The following UGT1A6 variants were observed in gnomAD, a reference collection of about 807,000 sequenced individuals.
UGT1A6 encodes the protein UDP glucuronosyltransferase family 1 member A6, also known as UDP-glucuronosyltransferase 1A6.
UGT1A6 carries 32 observed loss-of-function variants against 44.4 expected under a neutral mutation model. The observed-to-expected ratio is 0.72, with a 90% CI of 0.54 to 0.97. The LOEUF is 0.97. Ranked by LOEUF, UGT1A6 falls within the 50% of genes least tolerant of loss-of-function variation. The pLI is 0.00. For synonymous variants in UGT1A6, 238 were observed against 248.5 expected (o/e 0.96, Z 0.40); for missense variants, 685 against 661.9 (o/e 1.03, Z -0.38).
intron 1 of UGT1A6, among the ~76,000 whole-genome samples, chr2:233,704,015 C>T (rs547838967): frequency 2.0e-5 from 3 of 152,086 alleles, no homozygotes; most frequent in Admixed American, 6.5e-5. Flanking sequence ...CTCAGCCGCC[C>T]GAGCAGCTGG....
chr2:233,730,153 G>T (rs1158500294), intron 1 of UGT1A6, among the ~76,000 whole-genome samples: 1 of 152,204 alleles, frequency 6.6e-6, no homozygotes, highest in East Asian at 1.9e-4. Flanking sequence ...CTGTTAAGGG[G>T]TCTCTAGTAG....
chr2:233,770,455 A>T (rs903654050), intron 4 of UGT1A6: 7 of 152,170 alleles, frequency 4.6e-5, no homozygotes, highest in African/African-American at 1.7e-4. Context: ...GGAGTTCGAA[A>T]CCAACCTGAC....
At chr2:233,742,178 A>T (rs1317325763) in intron 1 of UGT1A6, among the ~76,000 whole-genome samples, 1 of 151,940 alleles carries the variant, frequency 6.6e-6, no homozygotes, top group Non-Finnish European at 1.5e-5. Context: ...AGAAATATAG[A>T]GTGTGGAGTG....
chr2:233,729,775 C>A (rs775577941), intron 1 of UGT1A6: 2 of 1,613,944 alleles, frequency 1.2e-6, no homozygotes, highest in South Asian at 2.2e-5. Context: ...CATGCTCTAC[C>A]CTCTGGCCCT....
chr2:233,772,894 C>CCA lies in UGT1A6; in HGVS notation c.*337_*338dup, dbSNP rs554656848. 8.1e-6 allele frequency: 4 copies of CCA among 491,752 alleles called. No individual in the cohort carries two copies. Among genetic ancestry groups the CCA allele is most frequent in the Non-Finnish European group, 1.3e-5 (4 of 303,172 alleles). The allele number at this position is 491,752 out of a possible 1,614,324, so 30.5% of individuals were successfully genotyped here. A position where few individuals can be genotyped will look rare whatever the true frequency, so the allele number is the denominator to read the frequency against. ...GGGAGTGCGGGATTCAAAGGTGGTC[C>CCA]CACGGCTGCCCCTACTGCAAATGGC... On this transcript the variant is annotated 3_prime_UTR_variant, in exon 5 of 5. Transcript: ENST00000305139.
upstream of UGT1A6, chr2:233,691,864 GA>G (rs1433694796): frequency 6.4e-6 from 1 of 157,024 alleles, no homozygotes; most frequent in Non-Finnish European, 1.4e-5. Context: ...TGTATAATAA[GA>G]AATATATGTT....
chr2:233,743,988 C>T (rs893316227), intron 1 of UGT1A6: 14 of 1,273,410 alleles, frequency 1.1e-5, no homozygotes, highest in Middle Eastern at 2.4e-4. Flanking sequence ...CAGGCGCAGG[C>T]CCGAGTGCTC....
At chr2:233,762,186 C>A (rs1400291325) in intron 1 of UGT1A6, among the ~76,000 whole-genome samples, 1 of 152,134 alleles carries the variant, frequency 6.6e-6, no homozygotes, top group African/African-American at 2.4e-5. Context: ...TCAACACCTG[C>A]CAATGGGTCT....
intron 1 of UGT1A6, among the ~76,000 whole-genome samples, chr2:233,735,766 T>C (rs2078690573): frequency 1.3e-5 from 2 of 152,218 alleles, no homozygotes; most frequent in African/African-American, 4.8e-5. Flanking sequence ...CCTTCACTTA[T>C]GAAGCTTACT....
chr2:233,755,060 C>T, intron 1 of UGT1A6: 1 of 1,334,970 alleles, frequency 7.5e-7, no homozygotes, highest in Non-Finnish European at 1.0e-6. Context: ...CCGCCCTCGC[C>T]TCGCCATAGC....
chr2:233,754,801 A>T, intron 1 of UGT1A6: 1 of 1,269,324 alleles, frequency 7.9e-7, no homozygotes, highest in Non-Finnish European at 1.1e-6. Flanking sequence ...CCTGTATCAA[A>T]AGAAGAAAAA....
intron 1 of UGT1A6, among the ~76,000 whole-genome samples, chr2:233,726,454 A>C (rs1306425444): frequency 2.6e-5 from 4 of 152,216 alleles, no homozygotes; most frequent in African/African-American, 9.6e-5. Context: ...CACTGAATGT[A>C]AGCTCATTTC....
chr2:233,755,296 C>A (rs1695848823), intron 1 of UGT1A6: 2 of 630,266 alleles, frequency 3.2e-6, no homozygotes, highest in Admixed American at 6.1e-5. Flanking sequence ...GCCTGCGGGG[C>A]ACTGGCACAG....
intron 1 of UGT1A6, among the ~76,000 whole-genome samples, chr2:233,703,067 G>A (rs28899181): frequency 1.3e-5 from 2 of 152,224 alleles, no homozygotes; most frequent in African/African-American, 4.8e-5. Flanking sequence ...TAGTGAAGCT[G>A]TCTGGGCCTA....
chr2:233,727,765 T>C (rs2077651083), intron 1 of UGT1A6, among the ~76,000 whole-genome samples: 1 of 152,200 alleles, frequency 6.6e-6, no homozygotes. Context: ...TTGAGCTGGG[T>C]GTCCCCCAGT....
chr2:233,746,130 T>A (rs757715130), intron 1 of UGT1A6, among the ~76,000 whole-genome samples: 6 of 151,866 alleles, frequency 4.0e-5, no homozygotes, highest in Non-Finnish European at 8.8e-5. Context: ...AACTGTGGAC[T>A]GGCACCTGAG....
intron 2 of UGT1A6, among the ~76,000 whole-genome samples, chr2:233,767,555 C>A (rs1317722684): frequency 3.3e-5 from 5 of 152,206 alleles, no homozygotes; most frequent in Non-Finnish European, 7.3e-5. Context: ...AGTTCTGCAT[C>A]CACTTGTTTC....
chr2:233,733,094 T>C (rs1220598340), intron 1 of UGT1A6, among the ~76,000 whole-genome samples: 7 of 152,326 alleles, frequency 4.6e-5, no homozygotes, highest in Non-Finnish European at 8.8e-5. Context: ...AGTTCACTCA[T>C]GGTTTGGCTC....
chr2:233,706,616 G>C (rs2075915881), intron 1 of UGT1A6, among the ~76,000 whole-genome samples: 1 of 152,154 alleles, frequency 6.6e-6, no homozygotes, highest in Admixed American at 6.6e-5. Flanking sequence ...AAGAAGACTA[G>C]AGAAATGAGT....
Sources: allele counts gnomAD v4.1 joint callset (sites outside exome capture counted in the v4.1 genomes callset), GRCh38; gene constraint gnomAD v4.1.1; transcripts MANE v1.5; gene names NCBI Gene and HGNC (gene_info 2026-07-23, HGNC 2026-07-21).